The following C8orf34 variants were observed in gnomAD, a reference collection of about 807,000 sequenced individuals.
C8orf34 encodes uncharacterized protein C8orf34.
A neutral mutation model predicts 68.3 loss-of-function variants in C8orf34; 65 were observed. The observed-to-expected ratio is 0.95, with a 90% CI of 0.78 to 1.17. C8orf34 has a LOEUF of 1.17. Among genes scored for constraint, C8orf34 ranks in the 50% most tolerant of loss-of-function variants. The pLI, the probability that C8orf34 is intolerant of heterozygous loss-of-function variation, is 0.00. For missense variants in C8orf34, 664 were observed against 655.4 expected (o/e 1.01, Z -0.14); for synonymous variants, 244 against 241.2 (o/e 1.01, Z -0.11).
chr8:68,416,794 A>G (rs1586091409), intron 1 of C8orf34, among the ~76,000 whole-genome samples: 1 of 151,974 alleles, frequency 6.6e-6, no homozygotes. Flanking sequence ...GCCTCCCAAA[A>G]TGCTGGGATT....
At chr8:68,522,270 T>C (rs1047251728) in intron 6 of C8orf34, among the ~76,000 whole-genome samples, 1 of 152,088 alleles carries the variant, frequency 6.6e-6, no homozygotes, top group Non-Finnish European at 1.5e-5. Flanking sequence ...TACTATAATA[T>C]TGGACAGAGA....
In C8orf34 at chr8:68,565,187, G is replaced by A. The variant is rs570375186; in HGVS notation, c.1105+32038G>A. ...ACTTCGTTCTTTTTTGCCCAGATTGGCATCATTGCTCCTGTCTTTTTGGGT... is the reference window on the plus strand; with the variant it reads ...ACTTCGTTCTTTTTTGCCCAGATTGACATCATTGCTCCTGTCTTTTTGGGT... On this transcript the variant is annotated intron_variant, in intron 7 of 13. Coordinates refer to ENST00000518698, the MANE Select transcript of C8orf34 (RefSeq NM_052958.4). Among the ~76,000 whole-genome samples, 4 of 152,110 alleles carry A rather than the reference G, an allele frequency of 2.6e-5. No individual in the cohort carries two copies. In the South Asian group the frequency reaches 8.3e-4, roughly 32 times the overall value.
intron 10 of C8orf34, among the ~76,000 whole-genome samples, chr8:68,762,016 C>G (rs1404980246): frequency 1.3e-5 from 2 of 152,184 alleles, no homozygotes; most frequent in Non-Finnish European, 2.9e-5. Flanking sequence ...TGTTGGAGCT[C>G]TTATAAAAGT....
intron 3 of C8orf34, among the ~76,000 whole-genome samples, chr8:68,466,810 C>T (rs1484226546): frequency 6.9e-6 from 1 of 145,162 alleles, no homozygotes; most frequent in Admixed American, 7.0e-5. Context: ...CATAAGATTG[C>T]TAGGTCACAG....
intron 1 of C8orf34, among the ~76,000 whole-genome samples, chr8:68,410,891 C>T (rs1428053748): frequency 1.3e-5 from 2 of 152,182 alleles, no homozygotes; most frequent in Non-Finnish European, 2.9e-5. Context: ...TGCAGTTCTT[C>T]AATGAATAAC....
intron 4 of C8orf34, among the ~76,000 whole-genome samples, chr8:68,470,128 C>T (rs1246517861): frequency 5.9e-5 from 9 of 151,916 alleles, no homozygotes; most frequent in Admixed American, 5.9e-4. Context: ...GTTAAATTTC[C>T]TTTTGTAGAA....
chr8:68,616,354 G>A (rs575326238), intron 7 of C8orf34, among the ~76,000 whole-genome samples: 1 of 152,020 alleles, frequency 6.6e-6, no homozygotes, highest in East Asian at 1.9e-4. Flanking sequence ...GTTTGCTCTT[G>A]CTTTTCTAGT....
At chr8:68,351,536 A>G (rs1018825825) in intron 1 of C8orf34, among the ~76,000 whole-genome samples, 1 of 152,116 alleles carries the variant, frequency 6.6e-6, no homozygotes, top group African/African-American at 2.4e-5. Flanking sequence ...TTCATGAACA[A>G]TATCCTGAAA....
chr8:68,584,343 C>T (rs1169186378), intron 7 of C8orf34, among the ~76,000 whole-genome samples: 1 of 151,976 alleles, frequency 6.6e-6, no homozygotes, highest in Non-Finnish European at 1.5e-5. Context: ...TGACTATAAA[C>T]AAGGAGAAAT....
chr8:68,438,476 A>G (rs1414244427), intron 1 of C8orf34: 1 of 152,160 alleles, frequency 6.6e-6, no homozygotes, highest in Admixed American at 6.5e-5. Flanking sequence ...ACAAAAAAAG[A>G]TGCACTGGGG....
intron 7 of C8orf34, among the ~76,000 whole-genome samples, chr8:68,615,661 G>C (rs1181808232): frequency 2.0e-5 from 3 of 152,166 alleles, no homozygotes; most frequent in African/African-American, 7.2e-5. Context: ...TGGTGGATAA[G>C]CTTTTTGATG....
At position 68,816,134 on chromosome 8, in the gene C8orf34, T is replaced by TGTTTC. The variant is rs1563685769; in HGVS notation, c.1609+189_1609+190insGTTTC. Among the ~76,000 whole-genome samples the TGTTTC allele has an allele frequency of 1.2e-4, 13 of 106,508 alleles. No individual in the cohort carries two copies. In the South Asian group the frequency reaches 1.5e-3, roughly 13 times the overall value. 69.9% of individuals were successfully genotyped at this position (106,508 alleles called of 152,430 possible). A position where few individuals can be genotyped will look rare whatever the true frequency, so the allele number is the denominator to read the frequency against. ...TGTGTGTGTGTGTGTGTGTGTGTGT[T>TGTTTC]TCTCTGTGTGTGTGTGTGTGTGTGT... On this transcript the variant is annotated intron_variant, in intron 13 of 13. Coordinates refer to ENST00000518698, the MANE Select transcript of C8orf34 (RefSeq NM_052958.4).
intron 2 of C8orf34, among the ~76,000 whole-genome samples, chr8:68,441,122 G>A (rs767393656): frequency 4.6e-4 from 69 of 150,566 alleles, no homozygotes; most frequent in African/African-American, 9.7e-4. Flanking sequence ...ATTTTAAATC[G>A]CACACATTAA....
chr8:68,490,238 C>T lies in C8orf34; in HGVS notation c.765+2187C>T, dbSNP rs1053269128. On this transcript the variant is annotated intron_variant, in intron 5 of 13. Coordinates refer to ENST00000518698, the MANE Select transcript of C8orf34 (RefSeq NM_052958.4). The stretch of plus-strand genomic sequence containing the variant: ...CCATTTCTAGGTTCATTTGCTCTTT[C>T]TAATACATTCTGCAAAACCCTGGCT... 5.9e-5 allele frequency among the ~76,000 whole-genome samples: 9 copies of T among 152,144 alleles called. No homozygotes were observed. The East Asian group carries it at 1.7e-3, about 29-fold the overall frequency.
intron 3 of C8orf34, among the ~76,000 whole-genome samples, chr8:68,461,671 A>G (rs1284798813): frequency 2.0e-5 from 3 of 152,194 alleles, no homozygotes; most frequent in African/African-American, 7.2e-5. Context: ...TCAACCCAGA[A>G]TTTCCTATCC....
At chr8:68,715,251 CA>C (rs1443730138) in intron 9 of C8orf34, among the ~76,000 whole-genome samples, 1 of 151,984 alleles carries the variant, frequency 6.6e-6, no homozygotes, top group Non-Finnish European at 1.5e-5. Context: ...GCAAGTGCAA[CA>C]AAAACAAAGA....
rs546011676 is a variant in C8orf34, at chr8:68,405,855, C to T, written c.328-33644C>T. Among the ~76,000 whole-genome samples, 28 of 152,190 alleles carry T rather than the reference C, an allele frequency of 1.8e-4. No homozygotes were observed. The South Asian group carries it at 4.8e-3, about 26-fold the overall frequency. ...TATTTTCCTTTATAATGAAACTTAG[C>T]GCTTTTATTATTGAATCTCAACTTT... On this transcript the variant is annotated intron_variant, in intron 1 of 13. Coordinates refer to ENST00000518698, the MANE Select transcript of C8orf34 (RefSeq NM_052958.4).
At chr8:68,741,270 T>C (rs1329922524) in intron 10 of C8orf34, among the ~76,000 whole-genome samples, 3 of 152,206 alleles carry the variant, frequency 2.0e-5, no homozygotes, top group Non-Finnish European at 4.4e-5. Flanking sequence ...TATTACCTTA[T>C]ATAATTTTTT....
At chr8:68,682,870 T>G (rs551891455) in intron 8 of C8orf34, among the ~76,000 whole-genome samples, 1 of 152,132 alleles carries the variant, frequency 6.6e-6, no homozygotes, top group Non-Finnish European at 1.5e-5. Context: ...TTTTTCCAAA[T>G]TAGGAAGCAA....
Sources: allele counts gnomAD v4.1 joint callset (sites outside exome capture counted in the v4.1 genomes callset), GRCh38; gene constraint gnomAD v4.1.1; transcripts MANE v1.5; gene names NCBI Gene and HGNC (gene_info 2026-07-23, HGNC 2026-07-21).